MEGF11: variants seen among roughly 807,000 people sequenced by gnomAD.
The protein encoded by MEGF11 is multiple epidermal growth factor-like domains protein 11.
MEGF11 carries 126 observed loss-of-function variants against 146.6 expected under a neutral mutation model. The observed-to-expected ratio is 0.86, with a 90% CI of 0.74 to 1.00. The LOEUF (loss-of-function observed/expected upper bound fraction) is 1.00, where lower values mean the gene tolerates loss of function less well. Ranked by LOEUF, MEGF11 falls within the 50% of genes least tolerant of loss-of-function variation. The pLI, the probability that MEGF11 is intolerant of heterozygous loss-of-function variation, is 0.00. For synonymous variants in MEGF11, 532 were observed against 583.4 expected (o/e 0.91, Z 1.27); for missense variants, 1,509 against 1,521.2 (o/e 0.99, Z 0.13).
chr15:66,057,131 G>T (rs1445015841), intron 5 of MEGF11, among the ~76,000 whole-genome samples: 1 of 152,204 alleles, frequency 6.6e-6, no homozygotes, highest in East Asian at 1.9e-4. Context: ...GGGGTGGTGG[G>T]GAGGATGTGT....
chr15:66,010,244 A>C (rs998330058), intron 5 of MEGF11, among the ~76,000 whole-genome samples: 1 of 151,106 alleles, frequency 6.6e-6, no homozygotes, highest in African/African-American at 2.4e-5. Flanking sequence ...CCAGGCTGGA[A>C]TGCAGTAGCA....
At chr15:66,167,780 T>C (rs1222752008) in intron 1 of MEGF11, among the ~76,000 whole-genome samples, 1 of 152,216 alleles carries the variant, frequency 6.6e-6, no homozygotes, top group Non-Finnish European at 1.5e-5. Flanking sequence ...CAGCCCTAAC[T>C]TCCAGGCAGG....
chr15:65,900,868 G>C (rs2078478897), intron 24 of MEGF11, among the ~76,000 whole-genome samples: 1 of 152,186 alleles, frequency 6.6e-6, no homozygotes, highest in Non-Finnish European at 1.5e-5. Flanking sequence ...GACACTGAAC[G>C]ATCTCAGCTA....
At chr15:65,919,275 T>C (rs754747459) in intron 15 of MEGF11, among the ~76,000 whole-genome samples, 2 of 152,232 alleles carry the variant, frequency 1.3e-5, no homozygotes, top group African/African-American at 4.8e-5. Flanking sequence ...AAGTTTTCTT[T>C]ATGTAGTCAA....
intron 5 of MEGF11, among the ~76,000 whole-genome samples, chr15:65,989,644 C>T (rs879685685): frequency 2.0e-5 from 3 of 152,336 alleles, no homozygotes; most frequent in Admixed American, 6.5e-5. Context: ...TCAAGTTCTC[C>T]GAGGCTGAGC....
chr15:65,950,584 G>GACACACACACACACACAC (rs57977250), intron 10 of MEGF11, among the ~76,000 whole-genome samples: 4 of 148,942 alleles, frequency 2.7e-5, no homozygotes, highest in South Asian at 2.1e-4. Context: ...TAGACACACA[G>GACACACACACACACACAC]ACACACACAC....
rs1248890404 is a variant in MEGF11, at chr15:66,069,816, CTG to C, written c.394+24584_394+24585del. ...TAAAGGGCCAGATAATAAATATTTT[CTG>C]TCTTTTGAGCAAGACAGTCCCTGTC... On this transcript the variant is annotated intron_variant, in intron 5 of 25. Transcript: ENST00000395614. Among the ~76,000 whole-genome samples, 6 of 152,338 alleles carry C rather than the reference CTG, an allele frequency of 3.9e-5. No homozygotes were observed. In the East Asian group the frequency reaches 1.2e-3, roughly 29 times the overall value.
chr15:65,961,576 G>A (rs963255150), intron 9 of MEGF11, among the ~76,000 whole-genome samples: 3 of 152,142 alleles, frequency 2.0e-5, no homozygotes, highest in Non-Finnish European at 4.4e-5. Context: ...AAGGAGGATG[G>A]TTTCTTTGTG....
rs554853904 is a variant in MEGF11 at position 66,037,573 on chromosome 15, G to A, written c.395-55085C>T. On this transcript the variant is annotated intron_variant, in intron 5 of 25. Transcript: ENST00000395614. ...CTCTTTGAGGGTGAGCTCTTATAAC[G>A]TGGAAATTCTCCTGGTCCCATCATA... Among the ~76,000 whole-genome samples, 13 of 152,286 alleles carry A rather than the reference G, an allele frequency of 8.5e-5. No individual in the cohort carries two copies. In the East Asian group the frequency reaches 2.1e-3, roughly 25 times the overall value.
At chr15:66,045,698 T>C (rs1403311059) in intron 5 of MEGF11, among the ~76,000 whole-genome samples, 3 of 152,184 alleles carry the variant, frequency 2.0e-5, no homozygotes, top group East Asian at 1.9e-4. Flanking sequence ...ACAACTGCAG[T>C]GCTTTATGTG....
At chr15:66,225,533 G>A (rs192057212) in intron 1 of MEGF11, among the ~76,000 whole-genome samples, 3 of 152,290 alleles carry the variant, frequency 2.0e-5, no homozygotes, top group East Asian at 1.9e-4. Context: ...GATGCCCTTT[G>A]GAGGCAGGAA....
At chr15:66,063,963 A>T (rs1228150836) in intron 5 of MEGF11, among the ~76,000 whole-genome samples, 1 of 152,220 alleles carries the variant, frequency 6.6e-6, no homozygotes, top group African/African-American at 2.4e-5. Context: ...TTGCACAGAA[A>T]CTGTCAACTC....
At chr15:66,101,498 C>T (rs2086806711) in intron 4 of MEGF11, among the ~76,000 whole-genome samples, 1 of 152,168 alleles carries the variant, frequency 6.6e-6, no homozygotes, top group South Asian at 2.1e-4. Context: ...TGGATGAGGT[C>T]CTCTCACTGC....
intron 7 of MEGF11, 101 bp from the exon 8 acceptor site, chr15:65,970,790 C>T (rs2081278147): frequency 1.5e-6 from 2 of 1,376,544 alleles, no homozygotes; most frequent in Non-Finnish European, 2.0e-6. Context: ...ACCCAACTTC[C>T]CAGAAGAAGT....
intron 1 of MEGF11, among the ~76,000 whole-genome samples, chr15:66,252,533 G>T (rs1300095831): frequency 6.6e-6 from 1 of 152,122 alleles, no homozygotes; most frequent in African/African-American, 2.4e-5. Context: ...CCCGAGACGC[G>T]GCTGCCGCTG....
intron 14 of MEGF11, 130 bp from the exon 15 acceptor site, chr15:65,922,602 C>T (rs2079212988): frequency 7.3e-7 from 1 of 1,371,672 alleles, no homozygotes; most frequent in Admixed American, 2.8e-5. Context: ...GGGCGCATCC[C>T]TTTCTGCAGA....
intron 10 of MEGF11, among the ~76,000 whole-genome samples, chr15:65,940,573 G>A (rs1394534917): frequency 1.3e-5 from 2 of 152,242 alleles, no homozygotes; most frequent in Non-Finnish European, 2.9e-5. Flanking sequence ...GACCTAATTG[G>A]TGCGTCACTG....
At chr15:66,072,597 C>T (rs891470870) in intron 5 of MEGF11, among the ~76,000 whole-genome samples, 1 of 152,198 alleles carries the variant, frequency 6.6e-6, no homozygotes, top group Non-Finnish European at 1.5e-5. Context: ...AAATAAGTGA[C>T]ATGTATTCCT....
chr15:66,214,069 C>T (rs2091528552), intron 1 of MEGF11, among the ~76,000 whole-genome samples: 1 of 127,180 alleles, frequency 7.9e-6, no homozygotes. Flanking sequence ...GAGTCTCACT[C>T]TTGTTGCCCA....
Sources: gnomAD v4.1 joint callset for allele counts (sites outside exome capture counted in the v4.1 genomes callset) on GRCh38, gnomAD v4.1.1 for gene constraint, MANE v1.5 for transcripts, NCBI Gene and HGNC (gene_info 2026-07-23, HGNC 2026-07-21) for gene names.